The following KHDRBS2 variants were observed in gnomAD, a reference collection of about 807,000 sequenced individuals.
KHDRBS2 encodes KH domain-containing, RNA-binding, signal transduction-associated protein 2.
In KHDRBS2, 26 loss-of-function variants were observed where a neutral mutation model predicts 44.3. The ratio of observed to expected loss-of-function variants is 0.59; its 90% CI spans 0.43 to 0.81. The LOEUF is 0.81. KHDRBS2 is among the 40% of genes least tolerant of loss of function. KHDRBS2 has a pLI of 0.00. For synonymous variants in KHDRBS2, 194 were observed against 151.1 expected, an observed-to-expected ratio of 1.28 and a Z score of -2.08; for missense variants, 476 against 433.1, an observed-to-expected ratio of 1.10 and a Z score of -0.88.
At chr6:62,047,187 G>A (rs531398861) in intron 3 of KHDRBS2, among the ~76,000 whole-genome samples, 1 of 152,016 alleles carries the variant, frequency 6.6e-6, no homozygotes, top group African/African-American at 2.4e-5. Context: ...CTTTCGCAGT[G>A]AATCCTCAAA....
At chr6:62,279,523 T>C (rs943556735) in intron 1 of KHDRBS2, among the ~76,000 whole-genome samples, 1 of 152,152 alleles carries the variant, frequency 6.6e-6, no homozygotes, top group East Asian at 1.9e-4. Flanking sequence ...GAAGTCATAG[T>C]ATGGCCCTCA....
intron 4 of KHDRBS2, among the ~76,000 whole-genome samples, chr6:61,950,373 T>C (rs546390335): frequency 6.6e-6 from 1 of 152,174 alleles, no homozygotes; most frequent in South Asian, 2.1e-4. Context: ...ATGAATTTCC[T>C]CAATTAAGAT....
chr6:62,099,060 G>C (rs1801272552), intron 2 of KHDRBS2, among the ~76,000 whole-genome samples: 1 of 151,956 alleles, frequency 6.6e-6, no homozygotes, highest in African/African-American at 2.4e-5. Context: ...ATATTCTTAA[G>C]GTTCATTGAG....
intron 6 of KHDRBS2, among the ~76,000 whole-genome samples, chr6:61,735,847 C>G (rs1029098544): frequency 6.6e-6 from 1 of 151,966 alleles, no homozygotes; most frequent in Admixed American, 6.6e-5. Context: ...AGCTTTGGTA[C>G]AATATTTTTA....
chr6:62,028,064 G>C (rs960939209), intron 3 of KHDRBS2, among the ~76,000 whole-genome samples: 1 of 151,954 alleles, frequency 6.6e-6, no homozygotes, highest in Non-Finnish European at 1.5e-5. Context: ...CTGTGGGATT[G>C]AGCCCTTAAC....
chr6:61,992,352 ATCC>A (rs1289682615), intron 3 of KHDRBS2, among the ~76,000 whole-genome samples: 4 of 152,092 alleles, frequency 2.6e-5, no homozygotes, highest in Non-Finnish European at 5.9e-5. Context: ...AGAAATTACC[ATCC>A]TCTTTTAAAC....
chr6:61,543,238 T>TAAAATGAGATCAATAA, the KHDRBS2 span, among the ~76,000 whole-genome samples: 1 of 151,920 alleles, frequency 6.6e-6, no homozygotes, highest in Non-Finnish European at 1.5e-5. Context: ...ATAAAGTATA[T>TAAAATGAGATCAATAA]AATGATCTCA....
the KHDRBS2 span, among the ~76,000 whole-genome samples, chr6:61,595,044 T>C: frequency 3.3e-5 from 5 of 152,250 alleles, no homozygotes; most frequent in Middle Eastern, 3.4e-3. Context: ...TGTTTCCTTT[T>C]CTCTCTCCCC....
At chr6:62,196,831 C>T (rs1825810953) in intron 1 of KHDRBS2, among the ~76,000 whole-genome samples, 2 of 151,974 alleles carry the variant, frequency 1.3e-5, no homozygotes, top group Admixed American at 1.3e-4. Context: ...GGGATGCTGG[C>T]TCGACATGCT....
At chr6:61,820,193 A>T (rs750457562) in intron 6 of KHDRBS2, among the ~76,000 whole-genome samples, 1 of 152,034 alleles carries the variant, frequency 6.6e-6, no homozygotes, top group African/African-American at 2.4e-5. Flanking sequence ...AACTTTTTCA[A>T]ATTACCATGG....
the KHDRBS2 span, among the ~76,000 whole-genome samples, chr6:61,559,944 A>T: frequency 6.6e-6 from 1 of 152,114 alleles, no homozygotes; most frequent in Non-Finnish European, 1.5e-5. Flanking sequence ...GCTCATTAAC[A>T]TCCCTTTTTT....
chr6:61,942,209 C>T (rs949048113), intron 4 of KHDRBS2, among the ~76,000 whole-genome samples: 8 of 152,006 alleles, frequency 5.3e-5, no homozygotes, highest in Non-Finnish European at 1.2e-4. Flanking sequence ...TCCTCTTCTG[C>T]CTCAGGCTCC....
intron 2 of KHDRBS2, among the ~76,000 whole-genome samples, chr6:62,101,596 A>G (rs1382230815): frequency 6.6e-6 from 1 of 152,190 alleles, no homozygotes; most frequent in Non-Finnish European, 1.5e-5. Flanking sequence ...GATTCTGGAT[A>G]TGTACTCTAG....
At chr6:61,641,780 T>C in the KHDRBS2 span, among the ~76,000 whole-genome samples, 1 of 152,172 alleles carries the variant, frequency 6.6e-6, no homozygotes, top group Non-Finnish European at 1.5e-5. Flanking sequence ...AAAGGGCTGA[T>C]AGAAAGAATA....
chr6:61,889,066 T>C (rs1341872003), intron 6 of KHDRBS2, among the ~76,000 whole-genome samples: 1 of 152,110 alleles, frequency 6.6e-6, no homozygotes, highest in African/African-American at 2.4e-5. Context: ...CTTCAAAGGG[T>C]CCATAACTTA....
chr6:61,604,240 C>T, the KHDRBS2 span, among the ~76,000 whole-genome samples: 7 of 152,242 alleles, frequency 4.6e-5, no homozygotes, highest in South Asian at 2.1e-4. Context: ...TTCTCAAGGC[C>T]ACTTTACTTC....
chr6:62,214,263 C>T (rs900725256), intron 1 of KHDRBS2, among the ~76,000 whole-genome samples: 4 of 152,054 alleles, frequency 2.6e-5, no homozygotes, highest in Non-Finnish European at 4.4e-5. Flanking sequence ...TTATATCATT[C>T]TTCCATATAC....
At chr6:61,886,445 T>A (rs1443476156) in intron 6 of KHDRBS2, among the ~76,000 whole-genome samples, 1 of 152,244 alleles carries the variant, frequency 6.6e-6, no homozygotes, top group East Asian at 1.9e-4. Context: ...TCGTTTTTCT[T>A]ACCCTCTTAG....
chr6:61,561,149 G>GTCTTC, the KHDRBS2 span, among the ~76,000 whole-genome samples: 1 of 152,098 alleles, frequency 6.6e-6, no homozygotes, highest in African/African-American at 2.4e-5. Flanking sequence ...TTAGAGACTT[G>GTCTTC]TCTTCTCTTC....
Sources: allele counts gnomAD v4.1 joint callset (sites outside exome capture counted in the v4.1 genomes callset), GRCh38; gene constraint gnomAD v4.1.1; transcripts MANE v1.5; gene names NCBI Gene and HGNC (gene_info 2026-07-23, HGNC 2026-07-21).